ZNF236: variants seen among roughly 807,000 people sequenced by gnomAD.
The protein encoded by ZNF236 is zinc finger protein 236.
Under a neutral mutation model 191.2 loss-of-function variants are expected in ZNF236, and 50 were observed. The ratio of observed to expected loss-of-function variants is 0.26; its 90% CI spans 0.21 to 0.33. The LOEUF is 0.33. Ranked by LOEUF, ZNF236 falls within the 10% of genes least tolerant of loss-of-function variation. The pLI is 1.00. For missense variants in ZNF236, 1,754 were observed against 2,374.5 expected (o/e 0.74, Z 5.43); for synonymous variants, 907 against 928.8 (o/e 0.98, Z 0.43).
chr18:76,835,678 A>G (rs903095801), intron 1 of ZNF236, among the ~76,000 whole-genome samples: 4 of 152,078 alleles, frequency 2.6e-5, no homozygotes, highest in Non-Finnish European at 4.4e-5. Flanking sequence ...CTATCCTTAT[A>G]TGTAAGTTAT....
chr18:76,897,506 A>G (rs1011889872), intron 10 of ZNF236, among the ~76,000 whole-genome samples: 1 of 151,708 alleles, frequency 6.6e-6, no homozygotes, highest in African/African-American at 2.4e-5. Context: ...CCACACACAC[A>G]GTATTGCACT....
intron 18 of ZNF236, among the ~76,000 whole-genome samples, chr18:76,914,981 G>C (rs1235338894): frequency 6.6e-6 from 1 of 152,194 alleles, no homozygotes; most frequent in Non-Finnish European, 1.5e-5. Flanking sequence ...TGATTGAGGA[G>C]TGGTTTTAGT....
rs994462894 is a variant in ZNF236 at position 76,927,160 on chromosome 18, G to A, written c.4151G>A (p.Ser1384Asn). Residue 1384 changes from serine to asparagine, a missense_variant, in exon 23 of 31, where the codon AGC becomes AAC. This residue lies in a region of ZNF236 where 606 missense variants were observed against 761.5 expected (regional missense o/e 0.80). Coordinates refer to ENST00000320610, the MANE Select transcript of ZNF236 (RefSeq NM_001306089.2). This position sits in a 1 kb window ranked among gnomAD's most constrained non-coding sequence, Gnocchi z 5.4. ...NVQISGIDAA[S>N]INNITLQIDP... ...CAGATTTCTGGAATCGATGCTGCCAGCATTAATAACATTACGTTGCAGGTA... is the reference window on the plus strand; with the variant it reads ...CAGATTTCTGGAATCGATGCTGCCAACATTAATAACATTACGTTGCAGGTA... 2.5e-6 allele frequency: 4 copies of A among 1,613,970 alleles called. No homozygotes were observed. The highest frequency in any genetic ancestry group is 3.4e-6 in the Non-Finnish European group (4 of 1,179,962).
At chr18:76,837,270 C>G (rs1321923884) in intron 1 of ZNF236, among the ~76,000 whole-genome samples, 7 of 151,902 alleles carry the variant, frequency 4.6e-5, no homozygotes, top group African/African-American at 1.7e-4. Context: ...CTTTTCGTGT[C>G]AAATTTAAGA....
At chr18:76,918,300 C>A (rs1164233123) in intron 19 of ZNF236, among the ~76,000 whole-genome samples, 3 of 152,216 alleles carry the variant, frequency 2.0e-5, no homozygotes, top group African/African-American at 7.2e-5. Flanking sequence ...ACACCAAAAT[C>A]TGCAGATGCT....
At position 76,942,887 on chromosome 18, in the gene ZNF236, G is replaced by A. The variant is rs368126295; in HGVS notation, c.4783-4634G>A. The stretch of plus-strand genomic sequence containing the variant: ...CCTGTAAAACCTAGGACTTTGGGAG[G>A]CCGAGGCGGGCGGATCACGAGGTCA... On this transcript the variant is annotated intron_variant, in intron 26 of 30. Transcript: ENST00000320610. Among the ~76,000 whole-genome samples, 17 of 149,116 alleles carry A rather than the reference G, an allele frequency of 1.1e-4. No individual in the cohort carries two copies. The South Asian group carries it at 3.4e-3, about 30-fold the overall frequency.
intron 1 of ZNF236, among the ~76,000 whole-genome samples, chr18:76,826,184 T>C (rs1035988014): frequency 1.3e-5 from 2 of 151,924 alleles, no homozygotes; most frequent in South Asian, 4.2e-4. Context: ...CGATCTTGTC[T>C]CACTGCAACC....
intron 25 of ZNF236, chr18:76,931,323 C>T (rs1458681857): frequency 6.6e-6 from 1 of 152,154 alleles, no homozygotes; most frequent in African/African-American, 2.4e-5. Flanking sequence ...CTGTCCTTAG[C>T]ATGACAGGTG....
chr18:76,879,955 C>T (rs1976832693), intron 7 of ZNF236, among the ~76,000 whole-genome samples, 158 bp from the exon 8 acceptor site: 1 of 151,334 alleles, frequency 6.6e-6, no homozygotes, highest in South Asian at 2.1e-4. Context: ...GTGCCAAACA[C>T]CAGAATCAGT....
At chr18:76,851,175 C>T (rs528473801) in intron 2 of ZNF236, among the ~76,000 whole-genome samples, 24 of 150,536 alleles carry the variant, frequency 1.6e-4, no homozygotes, top group Non-Finnish European at 2.2e-4. Context: ...CAGCGGTACC[C>T]ATACACACTT....
At chr18:76,866,881 C>T (rs1330176301) in intron 3 of ZNF236, among the ~76,000 whole-genome samples, 1 of 152,066 alleles carries the variant, frequency 6.6e-6, no homozygotes, top group African/African-American at 2.4e-5. Context: ...AGCAGAAAGA[C>T]AGTGATGTAG....
intron 30 of ZNF236, among the ~76,000 whole-genome samples, chr18:76,962,625 T>A (rs1462815253): frequency 6.6e-6 from 1 of 152,218 alleles, no homozygotes; most frequent in Non-Finnish European, 1.5e-5. Flanking sequence ...GGAATTGCGA[T>A]GAATTTGTAG....
chr18:76,841,389 GA>G (rs1975497705), intron 1 of ZNF236, among the ~76,000 whole-genome samples: 1 of 152,200 alleles, frequency 6.6e-6, no homozygotes, highest in Non-Finnish European at 1.5e-5. Context: ...TCTGTTCTTG[GA>G]AAACAGTCTG....
At chr18:76,907,138 C>T (rs72985206) in intron 13 of ZNF236, among the ~76,000 whole-genome samples, 1,679 of 152,212 alleles carry the variant, frequency 0.011, 13 homozygotes, top group Middle Eastern at 0.044. Flanking sequence ...CTCTATTATG[C>T]GACACATTTT....
chr18:76,846,864 G>A (rs575378282), intron 1 of ZNF236, among the ~76,000 whole-genome samples: 3 of 151,358 alleles, frequency 2.0e-5, no homozygotes, highest in Non-Finnish European at 4.4e-5. Context: ...GTGCAATCTC[G>A]GATCACTGCA....
intron 1 of ZNF236, among the ~76,000 whole-genome samples, chr18:76,838,716 C>T (rs1434318156): frequency 2.0e-5 from 3 of 152,200 alleles, no homozygotes; most frequent in Non-Finnish European, 4.4e-5. Flanking sequence ...TATTATAGCA[C>T]TTTACTTTTG....
intron 1 of ZNF236, among the ~76,000 whole-genome samples, chr18:76,841,364 G>A (rs776621273): frequency 5.9e-5 from 9 of 152,154 alleles, no homozygotes; most frequent in African/African-American, 1.9e-4. Flanking sequence ...GAGCCTCCGC[G>A]CCCGGCCAGG....
intron 9 of ZNF236, among the ~76,000 whole-genome samples, chr18:76,892,662 G>A (rs144265728): frequency 0.016 from 2,415 of 152,230 alleles, 30 homozygotes; most frequent in Middle Eastern, 0.02. Flanking sequence ...CTGCCTCCCG[G>A]GTTCAAGTGA....
At chr18:76,839,739 A>G (rs1975426518) in intron 1 of ZNF236, among the ~76,000 whole-genome samples, 1 of 152,116 alleles carries the variant, frequency 6.6e-6, no homozygotes, top group Admixed American at 6.5e-5. Context: ...GAATCTCAGA[A>G]TGGGCTCTCC....
Sources: gnomAD v4.1 joint callset for allele counts (sites outside exome capture counted in the v4.1 genomes callset) on GRCh38, gnomAD v4.1.1 for gene constraint, gnomAD v4.1.1 regional missense constraint, Gnocchi (gnomAD v3.1) non-coding constraint, MANE v1.5 for transcripts, NCBI Gene and HGNC (gene_info 2026-07-23, HGNC 2026-07-21) for gene names.